The following CDK8 variants were observed in gnomAD, a reference collection of about 807,000 sequenced individuals.
CDK8 encodes the protein cyclin-dependent kinase 8.
CDK8 carries 29 observed loss-of-function variants against 71.5 expected under a neutral mutation model. That is an observed-to-expected ratio of 0.41 (90% CI 0.30 to 0.55). The LOEUF (loss-of-function observed/expected upper bound fraction) is 0.55, where lower values mean the gene tolerates loss of function less well. CDK8 is among the 20% of genes least tolerant of loss of function. The pLI, the probability that CDK8 is intolerant of heterozygous loss-of-function variation, is 0.37. For synonymous variants in CDK8, 161 were observed against 192.1 expected, an observed-to-expected ratio of 0.84 and a Z score of 1.34; for missense variants, 288 against 572.6, an observed-to-expected ratio of 0.50 and a Z score of 5.07.
intron 1 of CDK8, among the ~76,000 whole-genome samples, chr13:26,286,873 A>G (rs1372363518): frequency 6.6e-6 from 1 of 152,230 alleles, no homozygotes; most frequent in Non-Finnish European, 1.5e-5. Context: ...AAGAAAATAT[A>G]CAAATGGCCA....
intron 1 of CDK8, among the ~76,000 whole-genome samples, chr13:26,293,723 A>G (rs1333844016): frequency 6.6e-6 from 1 of 152,060 alleles, no homozygotes; most frequent in African/African-American, 2.4e-5. Context: ...TATTTATGGT[A>G]TCAACATGTT....
intron 4 of CDK8, among the ~76,000 whole-genome samples, chr13:26,360,475 G>A (rs1330120857): frequency 1.3e-5 from 2 of 151,970 alleles, no homozygotes; most frequent in African/African-American, 2.4e-5. Flanking sequence ...TTCATAGCTC[G>A]AAATTAAACT....
At position 26,314,540 on chromosome 13, in the gene CDK8, A is replaced by C. The variant is rs111288114; in HGVS notation, c.129-23027A>C. ...AATTCAAACAGATATGTAATTGCAGAGTTGACATTCATGCAGGTGTTTTCA... is the reference window on the plus strand; with the variant it reads ...AATTCAAACAGATATGTAATTGCAGCGTTGACATTCATGCAGGTGTTTTCA... On this transcript the variant is annotated intron_variant, in intron 1 of 12. Coordinates refer to ENST00000381527, the MANE Select transcript of CDK8 (RefSeq NM_001260.3). Among the ~76,000 whole-genome samples, 904 of 152,346 alleles carry C rather than the reference A, an allele frequency of 5.9e-3. 10 individuals carry two copies. Among genetic ancestry groups the C allele is most frequent in the African/African-American group, 0.021 (856 of 41,578 alleles).
chr13:26,342,597 G>A (rs972798860), intron 2 of CDK8, among the ~76,000 whole-genome samples: 1 of 152,140 alleles, frequency 6.6e-6, no homozygotes, highest in Non-Finnish European at 1.5e-5. Flanking sequence ...GTCTTTTGGA[G>A]TTTCTTCAAT....
At chr13:26,308,051 T>C (rs1874120865) in intron 1 of CDK8, among the ~76,000 whole-genome samples, 1 of 152,208 alleles carries the variant, frequency 6.6e-6, no homozygotes, top group Non-Finnish European at 1.5e-5. Flanking sequence ...AAATTAGATT[T>C]CCCATTAAAA....
chr13:26,310,551 A>G (rs1874235817), intron 1 of CDK8, among the ~76,000 whole-genome samples: 1 of 152,094 alleles, frequency 6.6e-6, no homozygotes, highest in South Asian at 2.1e-4. Flanking sequence ...TGTGCAACCT[A>G]GATCCCTCGC....
intron 4 of CDK8, among the ~76,000 whole-genome samples, chr13:26,367,020 C>T (rs1240620079): frequency 1.3e-5 from 2 of 152,166 alleles, no homozygotes; most frequent in African/African-American, 2.4e-5. Flanking sequence ...ACATTTCCAT[C>T]ATGGCTAACT....
At chr13:26,281,744 AT>A (rs1872759843) in intron 1 of CDK8, among the ~76,000 whole-genome samples, 1 of 151,962 alleles carries the variant, frequency 6.6e-6, no homozygotes, top group African/African-American at 2.4e-5. Flanking sequence ...TTAAAAAAAA[AT>A]ACAAGATATG....
rs1018604115 is a variant in CDK8 at position 26,350,206 on chromosome 13, T to C, written c.315+1024T>C. 6.8e-4 allele frequency among the ~76,000 whole-genome samples: 104 copies of C among 152,204 alleles called. 1 individual carries two copies. Among genetic ancestry groups the C allele is most frequent in the Non-Finnish European group, 1.4e-3 (93 of 68,034 alleles). Reference sequence around the variant, plus strand: ...TAAGTGATGCATGACTGTATTGTACTTACTTGAATTGGGCATAATCTTGCA... The same window carrying C: ...TAAGTGATGCATGACTGTATTGTACCTACTTGAATTGGGCATAATCTTGCA... On this transcript the variant is annotated intron_variant, in intron 3 of 12. Coordinates refer to ENST00000381527, the MANE Select transcript of CDK8 (RefSeq NM_001260.3).
chr13:26,399,754 T>G (rs562629577), intron 9 of CDK8, among the ~76,000 whole-genome samples: 2 of 152,384 alleles, frequency 1.3e-5, no homozygotes, highest in South Asian at 4.1e-4. Flanking sequence ...TCACCATTTT[T>G]AATCTCCATT....
chr13:26,346,882 T>G (rs1232237389), intron 2 of CDK8, among the ~76,000 whole-genome samples: 1 of 152,220 alleles, frequency 6.6e-6, no homozygotes, highest in East Asian at 1.9e-4. Flanking sequence ...AAGCCCCCAA[T>G]ATAGTGTTAA....
chr13:26,358,805 A>G (rs1874009273), intron 4 of CDK8, among the ~76,000 whole-genome samples: 1 of 152,216 alleles, frequency 6.6e-6, no homozygotes, highest in African/African-American at 2.4e-5. Context: ...ATAGAATATT[A>G]TTCAACCTTA....
intron 1 of CDK8, among the ~76,000 whole-genome samples, chr13:26,327,557 G>A (rs1332421082): frequency 3.3e-5 from 5 of 152,174 alleles, no homozygotes; most frequent in African/African-American, 9.7e-5. Flanking sequence ...AACCAGGTGC[G>A]GTGGCTCATG....
At chr13:26,311,766 C>G (rs957818356) in intron 1 of CDK8, among the ~76,000 whole-genome samples, 1 of 152,156 alleles carries the variant, frequency 6.6e-6, no homozygotes, top group African/African-American at 2.4e-5. Context: ...TAGTCTTTAT[C>G]TCATTATCAT....
intron 1 of CDK8, among the ~76,000 whole-genome samples, chr13:26,277,953 TGTGACCCCCAA>T (rs1872616049): frequency 6.6e-6 from 1 of 152,228 alleles, no homozygotes; most frequent in African/African-American, 2.4e-5. Context: ...ACAACTGTTT[TGTGACCCCCAA>T]GTGTAGAACT....
chr13:26,307,818 C>T (rs1874112504), intron 1 of CDK8, among the ~76,000 whole-genome samples: 1 of 152,124 alleles, frequency 6.6e-6, no homozygotes, highest in East Asian at 1.9e-4. Context: ...AGAACGGTAC[C>T]TAATAATGCT....
At chr13:26,306,923 C>T (rs1220196696) in intron 1 of CDK8, among the ~76,000 whole-genome samples, 1 of 152,076 alleles carries the variant, frequency 6.6e-6, no homozygotes. Context: ...CCACAATGCC[C>T]AGCCTCCCTT....
intron 1 of CDK8, among the ~76,000 whole-genome samples, chr13:26,301,243 A>G (rs1479005503): frequency 1.4e-5 from 2 of 147,916 alleles, no homozygotes; most frequent in African/African-American, 5.0e-5. Context: ...TTGCCTACAG[A>G]AAGTCAAACT....
At chr13:26,339,294 T>A (rs990437477) in intron 2 of CDK8, among the ~76,000 whole-genome samples, 1 of 152,134 alleles carries the variant, frequency 6.6e-6, no homozygotes, top group African/African-American at 2.4e-5. Flanking sequence ...TTGTTTGTGG[T>A]ATGATACAGA....
Sources: allele counts gnomAD v4.1 joint callset (sites outside exome capture counted in the v4.1 genomes callset), GRCh38; gene constraint gnomAD v4.1.1; transcripts MANE v1.5; gene names NCBI Gene and HGNC (gene_info 2026-07-23, HGNC 2026-07-21).